DMD: variants seen among roughly 807,000 people sequenced by gnomAD.
The protein encoded by DMD is mutant dystrophin.
DMD carries 63 observed loss-of-function variants against 330.1 expected under a neutral mutation model. The ratio of observed to expected loss-of-function variants is 0.19; its 90% CI spans 0.16 to 0.24. DMD has a LOEUF of 0.24. DMD is among the 10% of genes least tolerant of loss of function. The pLI, the probability that DMD is intolerant of heterozygous loss-of-function variation, is 1.00. For missense variants in DMD, 3,344 were observed against 2,684.1 expected (o/e 1.25, Z -5.43); for synonymous variants, 1,223 against 959.8 (o/e 1.27, Z -5.07).
chrX:31,420,353 C>G lies in DMD; in HGVS notation c.9084+24128G>C, dbSNP rs568225853. 4.5e-5 allele frequency among the ~76,000 whole-genome samples: 5 copies of G among 112,003 alleles called. No homozygotes were observed. In the South Asian group the frequency reaches 1.5e-3, roughly 34 times the overall value. Reference sequence around the variant, plus strand: ...TAAATTGCATGTATATGTCCAGAGTCAATTAATGGGAAACATAGAACCAGA... The same window carrying G: ...TAAATTGCATGTATATGTCCAGAGTGAATTAATGGGAAACATAGAACCAGA... On this transcript the variant is annotated intron_variant, in intron 60 of 78. Transcript: ENST00000357033.
At chrX:32,645,261 T>G in intron 9 of DMD, 109 bp from the exon 10 acceptor site, 1 of 854,774 alleles carries the variant, frequency 1.2e-6, no homozygotes, top group Non-Finnish European at 1.7e-6. Context: ...GACTGTCCAC[T>G]GGCATTATCA....
intron 1 of DMD, among the ~76,000 whole-genome samples, chrX:33,167,543 T>C (rs2049116694): frequency 9.0e-6 from 1 of 111,451 alleles, no homozygotes; most frequent in Non-Finnish European, 1.9e-5. Flanking sequence ...AAATATAATT[T>C]CTTTTTGTCT....
chrX:31,919,777 C>A, intron 47 of DMD, among the ~76,000 whole-genome samples: 1 of 112,183 alleles, frequency 8.9e-6, no homozygotes, highest in East Asian at 2.8e-4. Flanking sequence ...CTCCATCAGG[C>A]CCTTATCAGC....
chrX:32,573,711 G>A (rs2052693884), intron 14 of DMD, 34 bp downstream of exon 14: 2 of 1,189,834 alleles, frequency 1.7e-6, no homozygotes, highest in Non-Finnish European at 2.3e-6. Context: ...ATCCCCCCGT[G>A]TCTTTTACAG....
At chrX:31,235,968 G>A (rs1357365992) in intron 63 of DMD, among the ~76,000 whole-genome samples, 2 of 112,473 alleles carry the variant, frequency 1.8e-5, no homozygotes, top group African/African-American at 6.5e-5. Flanking sequence ...TGCTACAAAG[G>A]CTGGAGGATC....
intron 60 of DMD, among the ~76,000 whole-genome samples, chrX:31,399,007 AG>A (rs201229908): frequency 0.084 from 9,308 of 110,571 alleles, 375 homozygotes; most frequent in African/African-American, 0.13. Context: ...CCTCTAGGGG[AG>A]GGTGCCCATG....
chrX:32,833,830 A>G (rs1209559003), intron 4 of DMD, among the ~76,000 whole-genome samples: 2 of 110,418 alleles, frequency 1.8e-5, no homozygotes, highest in African/African-American at 6.5e-5. Flanking sequence ...TGTGAACATA[A>G]TAGGTAACTG....
At chrX:32,033,769 T>C (rs766940770) in intron 44 of DMD, among the ~76,000 whole-genome samples, 1 of 111,750 alleles carries the variant, frequency 8.9e-6, no homozygotes, top group African/African-American at 3.2e-5. Context: ...ATTATGATTG[T>C]ATAATTGTCA....
intron 45 of DMD, among the ~76,000 whole-genome samples, chrX:31,951,111 C>CTA (rs1190843934): frequency 1.5e-5 from 1 of 66,854 alleles, no homozygotes; most frequent in Non-Finnish European, 2.8e-5. Context: ...AACACACATA[C>CTA]TATATATATA....
chrX:32,323,852 T>A (rs2097634878), intron 41 of DMD, among the ~76,000 whole-genome samples: 1 of 111,919 alleles, frequency 8.9e-6, no homozygotes, highest in Admixed American at 9.5e-5. Flanking sequence ...GACACAGTTA[T>A]AAGAGTTATT....
Position 32,644,322 on chromosome X carries a change from G to C in DMD, c.1150-9C>G. The C allele has an allele frequency of 8.3e-7, 1 of 1,208,858 alleles. No individual in the cohort carries two copies. The highest frequency in any genetic ancestry group is 1.1e-6 in the Non-Finnish European group (1 of 893,245). On this transcript the variant is annotated splice_polypyrimidine_tract_variant and intron_variant, in intron 10 of 78. Transcript: ENST00000357033. ...AAATCCATCATGTACCCCTGACAAA[G>C]AAGGAAGTTAACAATTGTAATTAGA... is the stretch of plus-strand genomic sequence containing the variant.
At chrX:32,467,096 G>A (rs372993589) in intron 23 of DMD, among the ~76,000 whole-genome samples, 5 of 112,023 alleles carry the variant, frequency 4.5e-5, no homozygotes, top group Middle Eastern at 4.6e-3. Context: ...AGGTATGCAT[G>A]TACACATATG....
intron 74 of DMD, among the ~76,000 whole-genome samples, chrX:31,148,644 C>T (rs756997590): frequency 2.4e-4 from 27 of 112,105 alleles, no homozygotes; most frequent in Non-Finnish European, 4.7e-4. Flanking sequence ...GGTGACAAAT[C>T]GGTGCTTTTA....
intron 1 of DMD, among the ~76,000 whole-genome samples, chrX:33,163,900 T>A (rs1174789244): frequency 9.0e-6 from 1 of 111,105 alleles, no homozygotes; most frequent in Non-Finnish European, 1.9e-5. Flanking sequence ...TTGCTAAATG[T>A]TGTGAATTCT....
chrX:32,238,572 AAG>A (rs1005117720), intron 43 of DMD, among the ~76,000 whole-genome samples: 1 of 111,756 alleles, frequency 8.9e-6, no homozygotes, highest in African/African-American at 3.2e-5. Context: ...ATCATCACAA[AAG>A]AGTCACTGAA....
In DMD at chrX:31,822,518, A is replaced by G. The variant is rs761084154; in HGVS notation, c.7201-2435T>C. The stretch of plus-strand genomic sequence containing the variant: ...GTGTTTAGAGAAGAAGAGCCATATG[A>G]TACGATTCGTGTTTTGCATTGTGGA... On this transcript the variant is annotated intron_variant, in intron 49 of 78. Transcript: ENST00000357033. Among the ~76,000 whole-genome samples the G allele has an allele frequency of 4.5e-5, 5 of 111,435 alleles. No homozygotes were observed. The East Asian group carries it at 1.4e-3, about 31-fold the overall frequency.
chrX:32,722,566 T>A, intron 7 of DMD, among the ~76,000 whole-genome samples: 1 of 110,871 alleles, frequency 9.0e-6, no homozygotes, highest in Non-Finnish European at 1.9e-5. Flanking sequence ...ATTTTAACAA[T>A]ATTACTTCTT....
intron 9 of DMD, 49 bp downstream of exon 9, chrX:32,697,821 T>C: frequency 8.4e-7 from 1 of 1,195,496 alleles, no homozygotes; most frequent in South Asian, 1.8e-5. Flanking sequence ...TTAGATTATC[T>C]TGGAAGCAGT....
intron 55 of DMD, among the ~76,000 whole-genome samples, chrX:31,508,654 C>A (rs903373212): frequency 9.8e-5 from 11 of 112,044 alleles, no homozygotes; most frequent in African/African-American, 3.6e-4. Context: ...TTTCTGCCTA[C>A]ACAATGAATG....
Sources: allele counts gnomAD v4.1 joint callset (sites outside exome capture counted in the v4.1 genomes callset), GRCh38; gene constraint gnomAD v4.1.1; transcripts MANE v1.5; gene names NCBI Gene and HGNC (gene_info 2026-07-23, HGNC 2026-07-21).